The following SP110 variants were observed in gnomAD, a reference collection of about 807,000 sequenced individuals.
SP110 encodes SP110 nuclear body protein.
Under a neutral mutation model 92.7 loss-of-function variants are expected in SP110, and 62 were observed. The observed-to-expected ratio is 0.67, with a 90% CI of 0.55 to 0.83. The LOEUF is 0.83. Among genes scored for constraint, SP110 ranks in the 40% least tolerant of loss-of-function variants. The probability of loss-of-function intolerance (pLI) is 0.00; values close to 1 mark genes in which losing one functional copy is unlikely to be tolerated. For synonymous variants in SP110, 273 were observed against 305.3 expected, an observed-to-expected ratio of 0.89 and a Z score of 1.10; for missense variants, 793 against 863.9, an observed-to-expected ratio of 0.92 and a Z score of 1.03.
upstream of SP110, chr2:230,221,736 C>T (rs2148982746): frequency 6.5e-7 from 1 of 1,535,932 alleles, no homozygotes; most frequent in South Asian, 1.2e-5. Context: ...TGGAAAGCCC[C>T]TTCATGGGCA....
intron 14 of SP110, chr2:230,173,363 T>A: frequency 3.6e-6 from 1 of 279,716 alleles, no homozygotes; most frequent in East Asian, 8.5e-5. Flanking sequence ...TGCAGGAGTA[T>A]GGGAACTGTT....
chr2:230,178,089 G>A, intron 13 of SP110, 68 bp downstream of exon 13: 1 of 928,294 alleles, frequency 1.1e-6, no homozygotes, highest in Non-Finnish European at 1.8e-6. Context: ...ACACACACGG[G>A]TATTTTCCTC....
intron 11 of SP110, among the ~76,000 whole-genome samples, chr2:230,184,260 G>A (rs2042255770): frequency 6.6e-6 from 1 of 152,188 alleles, no homozygotes; most frequent in Non-Finnish European, 1.5e-5. Flanking sequence ...TCAAAAAACT[G>A]CTTATAAAGG....
Position 230,183,636 on chromosome 2 carries a change from C to T in SP110, c.1284G>A (p.Lys428=). 6 of 1,519,202 alleles carry T rather than the reference C, an allele frequency of 3.9e-6. No individual in the cohort carries two copies. The highest frequency in any genetic ancestry group is 5.5e-6 in the Non-Finnish European group (6 of 1,093,388). The allele number at this position is 1,519,202 out of a possible 1,614,324, so 94.1% of individuals were successfully genotyped here. A position where few individuals can be genotyped will look rare whatever the true frequency, so the allele number is the denominator to read the frequency against. ...KCARKSRLKE[K]KKEKDICSSS... ...TTGAACAGATATCTTTCTCCTTTTT[C>T]TTTTCTAAACACAGAATTAATAATC... The change falls in exon 12 of 19, where the codon AAG becomes AAA. Residue 428 remains lysine (K), a synonymous_variant. Transcript: ENST00000258381.
chr2:230,223,297 AGTGCTGGG>A (rs1430808489), upstream of SP110, among the ~76,000 whole-genome samples: 1 of 152,138 alleles, frequency 6.6e-6, no homozygotes. Context: ...AGCCTCCCGA[AGTGCTGGG>A]GTTATAGGCA....
intron 9 of SP110, among the ~76,000 whole-genome samples, chr2:230,202,194 G>T (rs928948461): frequency 2.0e-5 from 3 of 152,034 alleles, no homozygotes; most frequent in Non-Finnish European, 4.4e-5. Context: ...GTTTATTATT[G>T]TTACTTTTAC....
chr2:230,169,638 T>C (rs1188505788), intron 18 of SP110, among the ~76,000 whole-genome samples: 1 of 152,104 alleles, frequency 6.6e-6, no homozygotes, highest in African/African-American at 2.4e-5. Flanking sequence ...CTTATTTTTT[T>C]AGGAGCCCAG....
rs375216160 is a variant in SP110, at chr2:230,182,994, C to G, written c.1348+578G>C. ...CTGGGGACCCCACCTTGGGTAGCAC[C>G]TATTATACTTTGATAATGAATAAAA... is the stretch of plus-strand genomic sequence containing the variant. On this transcript the variant is annotated intron_variant, in intron 12 of 18. Coordinates refer to ENST00000258381, the MANE Select transcript of SP110 (RefSeq NM_080424.4). Among the ~76,000 whole-genome samples the G allele has an allele frequency of 1.4e-4, 21 of 152,078 alleles. 1 individual carries two copies. In the East Asian group the frequency reaches 1.9e-3, roughly 14 times the overall value.
chr2:230,170,848 T>A, intron 17 of SP110, 87 bp from the exon 18 acceptor site: 1 of 1,370,740 alleles, frequency 7.3e-7, no homozygotes, highest in Non-Finnish European at 1.0e-6. Flanking sequence ...AGCCTTCATT[T>A]CCAGGGTCAT....
At chr2:230,205,432 G>C (rs2043663106) in intron 8 of SP110, among the ~76,000 whole-genome samples, 1 of 152,124 alleles carries the variant, frequency 6.6e-6, no homozygotes, top group South Asian at 2.1e-4. Flanking sequence ...CAACCTGCAA[G>C]TCACTATTGT....
chr2:230,212,607 G>A (rs2044618767), intron 4 of SP110, among the ~76,000 whole-genome samples, 154 bp downstream of exon 4: 1 of 152,172 alleles, frequency 6.6e-6, no homozygotes, highest in African/African-American at 2.4e-5. Flanking sequence ...CCCCGGCAGT[G>A]CTCATAATCC....
rs2106329215 is a variant in SP110, at chr2:230,165,352, A to C, written c.*3772T>G. Reference sequence around the variant, plus strand: ...TGACTGAAAGGCAGAGCAAAAAGGAAGTATGGAGAAGTCGTGTCAAGAAAA... The same window carrying C: ...TGACTGAAAGGCAGAGCAAAAAGGACGTATGGAGAAGTCGTGTCAAGAAAA... On this transcript the variant is annotated 3_prime_UTR_variant, in exon 19 of 19. Transcript: ENST00000258381. Among the ~76,000 whole-genome samples, 1 of 152,400 alleles carries C rather than the reference A, an allele frequency of 6.6e-6. No homozygotes were observed. Among genetic ancestry groups the C allele is most frequent in the Non-Finnish European group, 1.5e-5 (1 of 68,046 alleles).
In SP110 at chr2:230,211,007, T is replaced by G. The variant is rs2044406454; in HGVS notation, c.751+463A>C. 6.6e-6 allele frequency among the ~76,000 whole-genome samples: 1 copy of G among 152,258 alleles called. No individual in the cohort carries two copies. Among genetic ancestry groups the G allele is most frequent in the South Asian group, 2.1e-4 (1 of 4,832 alleles). ...GGGCCACACAGTGTTTTTGTTCATT[T>G]GCTTTGCATTTTGACAGAGCCGTTT... On this transcript the variant is annotated intron_variant, in intron 6 of 18. Transcript: ENST00000258381. This position sits in a 1 kb window ranked among gnomAD's most constrained non-coding sequence, Gnocchi z 4.2.
intron 11 of SP110, among the ~76,000 whole-genome samples, chr2:230,184,002 T>C (rs1380609245): frequency 6.6e-6 from 1 of 152,158 alleles, no homozygotes; most frequent in Non-Finnish European, 1.5e-5. Flanking sequence ...CCCCTGCAGA[T>C]ACTATGTTTC....
chr2:230,210,656 A>T (rs1574741645), intron 6 of SP110, among the ~76,000 whole-genome samples: 1 of 152,200 alleles, frequency 6.6e-6, no homozygotes, highest in East Asian at 1.9e-4. Flanking sequence ...AAGCTCTGCT[A>T]GTTTTTGCTG....
At chr2:230,204,143 C>T (rs901197479) in intron 8 of SP110, among the ~76,000 whole-genome samples, 5 of 152,176 alleles carry the variant, frequency 3.3e-5, no homozygotes, top group African/African-American at 1.2e-4. Flanking sequence ...AAAGGCAAAT[C>T]TGGAAGGGAC....
intron 10 of SP110, among the ~76,000 whole-genome samples, chr2:230,192,873 C>G (rs1332352673): frequency 2.6e-5 from 4 of 152,128 alleles, no homozygotes; most frequent in Non-Finnish European, 4.4e-5. Context: ...TCCATTTGTT[C>G]TAGAGTGTAG....
At chr2:230,214,579 C>T (rs568261830) in intron 3 of SP110, among the ~76,000 whole-genome samples, 4 of 152,180 alleles carry the variant, frequency 2.6e-5, no homozygotes, top group Non-Finnish European at 4.4e-5. Flanking sequence ...TATTATTATC[C>T]GTCCACATTC....
chr2:230,170,876 A>C, intron 17 of SP110, 115 bp from the exon 18 acceptor site: 2 of 1,074,554 alleles, frequency 1.9e-6, no homozygotes, highest in Non-Finnish European at 2.8e-6. Flanking sequence ...ATACCATTTG[A>C]CCTCTTTAAG....
Sources: allele counts gnomAD v4.1 joint callset (sites outside exome capture counted in the v4.1 genomes callset), GRCh38; gene constraint gnomAD v4.1.1; non-coding constraint Gnocchi (gnomAD v3.1); transcripts MANE v1.5; gene names NCBI Gene and HGNC (gene_info 2026-07-23, HGNC 2026-07-21).